Variants in BNC2 observed in about 807,000 individuals in gnomAD.
The protein encoded by BNC2 is zinc finger protein basonuclin-2.
Under a neutral mutation model 76.3 loss-of-function variants are expected in BNC2, and 20 were observed. The observed-to-expected ratio is 0.26, with a 90% CI of 0.18 to 0.38. The LOEUF is 0.38. BNC2 is among the 10% of genes least tolerant of loss of function. The pLI is 1.00. For synonymous variants in BNC2, 582 were observed against 514.8 expected (o/e 1.13, Z -1.77); for missense variants, 1,382 against 1,399.8 (o/e 0.99, Z 0.20).
chr9:16,561,114 C>T (rs1014872885), intron 4 of BNC2, among the ~76,000 whole-genome samples: 2 of 152,068 alleles, frequency 1.3e-5, no homozygotes, highest in South Asian at 2.1e-4. Context: ...TGGTGGGCAC[C>T]TGTAATCCCA....
chr9:16,477,105 G>C (rs1181244159), intron 5 of BNC2, among the ~76,000 whole-genome samples: 6 of 152,114 alleles, frequency 3.9e-5, no homozygotes, highest in Non-Finnish European at 8.8e-5. Flanking sequence ...ACCTCTCCCT[G>C]AAGAACAGCC....
chr9:16,441,835 A>C (rs565449228), intron 5 of BNC2, among the ~76,000 whole-genome samples: 27 of 152,244 alleles, frequency 1.8e-4, no homozygotes, highest in Admixed American at 1.8e-3. Context: ...TAAATTGTCA[A>C]ATAAACTTTA....
intron 5 of BNC2, among the ~76,000 whole-genome samples, chr9:16,457,811 A>T (rs1207320233): frequency 6.6e-6 from 1 of 152,218 alleles, no homozygotes; most frequent in Non-Finnish European, 1.5e-5. Context: ...CCAAGGGCCA[A>T]CCTGGCAAGC....
At chr9:16,472,699 A>T (rs1821851290) in intron 5 of BNC2, among the ~76,000 whole-genome samples, 1 of 152,258 alleles carries the variant, frequency 6.6e-6, no homozygotes, top group African/African-American at 2.4e-5. Flanking sequence ...ATGGAACTTT[A>T]GAAATGCCAA....
intron 1 of BNC2, among the ~76,000 whole-genome samples, chr9:16,828,227 CAA>C (rs925156249): frequency 6.7e-6 from 1 of 149,936 alleles, no homozygotes; most frequent in South Asian, 2.1e-4. Flanking sequence ...TAACTGTGCC[CAA>C]AAAAAAATCA....
intron 3 of BNC2, among the ~76,000 whole-genome samples, chr9:16,632,631 G>A (rs1433430286): frequency 6.6e-6 from 1 of 152,128 alleles, no homozygotes; most frequent in Non-Finnish European, 1.5e-5. Context: ...TTTTATATAA[G>A]CCATAATGCA....
chr9:16,603,948 T>C (rs1820310621), intron 3 of BNC2, among the ~76,000 whole-genome samples: 1 of 152,138 alleles, frequency 6.6e-6, no homozygotes, highest in Non-Finnish European at 1.5e-5. Flanking sequence ...AAATTGTCCA[T>C]TTTTTTCTTT....
intron 1 of BNC2, among the ~76,000 whole-genome samples, chr9:16,772,723 G>A (rs1487428623): frequency 6.6e-6 from 1 of 152,128 alleles, no homozygotes; most frequent in Non-Finnish European, 1.5e-5. Context: ...GAAGGTGCTG[G>A]AATCTTTTGG....
intron 3 of BNC2, among the ~76,000 whole-genome samples, chr9:16,650,485 T>C (rs1267056614): frequency 2.0e-5 from 3 of 152,184 alleles, no homozygotes; most frequent in South Asian, 2.1e-4. Flanking sequence ...CCGTCTGACA[T>C]ATGAATAACA....
At chr9:16,624,776 A>C (rs1477919828) in intron 3 of BNC2, among the ~76,000 whole-genome samples, 1 of 152,236 alleles carries the variant, frequency 6.6e-6, no homozygotes, top group African/African-American at 2.4e-5. Context: ...AGTTTATCGG[A>C]GCATTTAAGG....
chr9:16,761,677 T>A (rs768947799), intron 1 of BNC2, among the ~76,000 whole-genome samples: 23 of 152,360 alleles, frequency 1.5e-4, no homozygotes, highest in South Asian at 2.1e-4. Flanking sequence ...AAATGATGGA[T>A]GTCTTTACCA....
rs558016222 is a variant in BNC2 at position 16,799,556 on chromosome 9, C to A, written c.4-61071G>T. Among the ~76,000 whole-genome samples the A allele has an allele frequency of 2.6e-5, 4 of 152,242 alleles. No individual in the cohort carries two copies. In the East Asian group the frequency reaches 7.8e-4, roughly 30 times the overall value. On this transcript the variant is annotated intron_variant, in intron 1 of 6. Coordinates refer to ENST00000380672, the MANE Select transcript of BNC2 (RefSeq NM_017637.6). The stretch of plus-strand genomic sequence containing the variant: ...TCTCGAACTCCTGACCTCAAGTAAT[C>A]TGCCCACCTTGGCATCAGAAAGCAT...
At chr9:16,864,234 C>G (rs910596445) in intron 1 of BNC2, among the ~76,000 whole-genome samples, 2 of 152,030 alleles carry the variant, frequency 1.3e-5, no homozygotes, top group African/African-American at 2.4e-5. Context: ...ATTATTTTTA[C>G]ATAGATTTTA....
At chr9:16,783,175 T>C (rs1826199895) in intron 1 of BNC2, among the ~76,000 whole-genome samples, 1 of 152,170 alleles carries the variant, frequency 6.6e-6, no homozygotes, top group African/African-American at 2.4e-5. Context: ...AGGGAGACAA[T>C]TAAAATAGAT....
chr9:16,766,969 C>G (rs1236949727), intron 1 of BNC2, among the ~76,000 whole-genome samples: 1 of 152,180 alleles, frequency 6.6e-6, no homozygotes, highest in African/African-American at 2.4e-5. Context: ...AATACAGAGC[C>G]TAACAATTTT....
At chr9:16,623,046 T>G (rs749794992) in intron 3 of BNC2, among the ~76,000 whole-genome samples, 1 of 152,120 alleles carries the variant, frequency 6.6e-6, no homozygotes, top group Non-Finnish European at 1.5e-5. Flanking sequence ...GAAGATTAAA[T>G]GCAAGTCAGA....
At position 16,798,864 on chromosome 9, in the gene BNC2, G is replaced by C. The variant is rs76198158; in HGVS notation, c.4-60379C>G. ...TCACGCACAAGTAATGGCAACAATG[G>C]TGAGCCCTTTCTGCCACTTAAGCTG... On this transcript the variant is annotated intron_variant, in intron 1 of 6. Transcript: ENST00000380672. Among the ~76,000 whole-genome samples the C allele has an allele frequency of 9.2e-3, 1,395 of 152,062 alleles. 17 individuals are homozygous for C. The highest frequency in any genetic ancestry group is 0.032 in the African/African-American group (1,324 of 41,492).
intron 5 of BNC2, among the ~76,000 whole-genome samples, chr9:16,526,325 G>A (rs1462482860): frequency 6.6e-6 from 1 of 152,068 alleles, no homozygotes; most frequent in East Asian, 1.9e-4. Context: ...GGATAACAAA[G>A]ATCGTTTACG....
intron 3 of BNC2, among the ~76,000 whole-genome samples, chr9:16,597,527 C>CA (rs961524872): frequency 2.4e-4 from 37 of 151,236 alleles, no homozygotes; most frequent in African/African-American, 3.2e-4. Flanking sequence ...TATAGCCAGA[C>CA]AAAAAAAACG....
Sources: allele counts gnomAD v4.1 joint callset (sites outside exome capture counted in the v4.1 genomes callset), GRCh38; gene constraint gnomAD v4.1.1; transcripts MANE v1.5; gene names NCBI Gene and HGNC (gene_info 2026-07-23, HGNC 2026-07-21).